SLCO3A1: variants seen among roughly 807,000 people sequenced by gnomAD.
The protein encoded by SLCO3A1 is PGE1 transporter.
A neutral mutation model predicts 63.1 loss-of-function variants in SLCO3A1; 27 were observed. The ratio of observed to expected loss-of-function variants is 0.43; its 90% CI spans 0.32 to 0.59. SLCO3A1 has a LOEUF of 0.59. SLCO3A1 is among the 20% of genes least tolerant of loss of function. The probability of loss-of-function intolerance (pLI) is 0.09; values close to 1 mark genes in which losing one functional copy is unlikely to be tolerated. For synonymous variants in SLCO3A1, 473 were observed against 409.9 expected, an observed-to-expected ratio of 1.15 and a Z score of -1.86; for missense variants, 773 against 945.8, an observed-to-expected ratio of 0.82 and a Z score of 2.40.
At chr15:92,042,498 A>G (rs1226647551) in intron 2 of SLCO3A1, among the ~76,000 whole-genome samples, 2 of 152,144 alleles carry the variant, frequency 1.3e-5, no homozygotes, top group Non-Finnish European at 2.9e-5. Flanking sequence ...AACACTTAAG[A>G]GCATTGTGAC....
Position 91,904,008 on chromosome 15 carries a change from T to C in SLCO3A1, c.181-11985T>C, listed in dbSNP as rs1898227756. 3.8e-5 allele frequency among the ~76,000 whole-genome samples: 5 copies of C among 131,656 alleles called. No individual in the cohort carries two copies. In the Admixed American group the frequency reaches 3.9e-4, roughly 10 times the overall value. 86.4% of individuals were successfully genotyped at this position (131,656 alleles called of 152,430 possible). ...AGGACACAGTGATGGAGAAAGGTCT[T>C]CAGGAGATGGGAAGGAGTGGGTCGG... On this transcript the variant is annotated intron_variant, in intron 1 of 9. Coordinates refer to ENST00000318445, the MANE Select transcript of SLCO3A1 (RefSeq NM_013272.4).
chr15:92,048,098 G>T (rs1253268947), intron 2 of SLCO3A1, among the ~76,000 whole-genome samples: 2 of 152,008 alleles, frequency 1.3e-5, no homozygotes, highest in African/African-American at 4.8e-5. Flanking sequence ...TTCTCCATAG[G>T]AACTGCTTCT....
At chr15:92,085,636 A>G (rs2047395871) in intron 2 of SLCO3A1, among the ~76,000 whole-genome samples, 2 of 152,244 alleles carry the variant, frequency 1.3e-5, no homozygotes, top group Non-Finnish European at 2.9e-5. Flanking sequence ...GTGTATTAAA[A>G]ATATTAAAAT....
At chr15:91,956,237 T>C (rs923901062) in intron 2 of SLCO3A1, among the ~76,000 whole-genome samples, 3 of 152,192 alleles carry the variant, frequency 2.0e-5, no homozygotes, top group African/African-American at 7.2e-5. Context: ...TGGTGGCTTC[T>C]CAGCAGCAGG....
chr15:92,147,361 G>A (rs1296156365), intron 8 of SLCO3A1, among the ~76,000 whole-genome samples: 1 of 152,068 alleles, frequency 6.6e-6, no homozygotes, highest in Non-Finnish European at 1.5e-5. Context: ...GGCAGGGCAT[G>A]GGGGAGAAGA....
intron 3 of SLCO3A1, among the ~76,000 whole-genome samples, chr15:92,096,210 G>A (rs534270578): frequency 6.6e-6 from 1 of 152,278 alleles, no homozygotes; most frequent in South Asian, 2.1e-4. Flanking sequence ...GGGCCCACAG[G>A]AGGGGACTAC....
At position 92,094,979 on chromosome 15, in the gene SLCO3A1, A is replaced by G. The variant is rs746970118; in HGVS notation, c.745A>G (p.Ser249Gly). 1 of 1,582,766 alleles carries G rather than the reference A, an allele frequency of 6.3e-7. No homozygotes were observed. Among genetic ancestry groups the G allele is most frequent in the Non-Finnish European group, 8.7e-7 (1 of 1,151,374 alleles). ...IYVDAVFIDT[S>G]NLDITPDDPR... ...CGTGGATGCGGTCTTCATTGACACAAGTAAGGAATATATCTCCATGTCTAC... is the reference window on the plus strand; with the variant it reads ...CGTGGATGCGGTCTTCATTGACACAGGTAAGGAATATATCTCCATGTCTAC... Residue 249 changes from serine (S) to glycine (G), a missense_variant and splice_region_variant, in exon 3 of 10, where the codon AGT becomes GGT. By Grantham distance (56) the Ser-to-Gly change is moderately conservative. This residue lies in a region of SLCO3A1 where 565 missense variants were observed against 749.8 expected (regional missense o/e 0.75). Transcript: ENST00000318445.
chr15:92,009,288 A>G (rs2046344991), intron 2 of SLCO3A1, among the ~76,000 whole-genome samples: 1 of 152,230 alleles, frequency 6.6e-6, no homozygotes, highest in South Asian at 2.1e-4. Flanking sequence ...TGCTGGGGTC[A>G]TAGTCCAGGG....
intron 2 of SLCO3A1, among the ~76,000 whole-genome samples, chr15:91,960,523 G>A (rs961728110): frequency 6.6e-6 from 1 of 152,194 alleles, no homozygotes; most frequent in Non-Finnish European, 1.5e-5. Flanking sequence ...CCTTCTCTCT[G>A]TGGTGTCCCA....
chr15:91,926,596 T>TGTGTGTGTGTGTGCGTGCGC, intron 2 of SLCO3A1, among the ~76,000 whole-genome samples: 1 of 105,256 alleles, frequency 9.5e-6, no homozygotes, highest in African/African-American at 3.7e-5. Context: ...TGTGTGTGTG[T>TGTGTGTGTGTGTGCGTGCGC]GCGCGCGCGC....
intron 2 of SLCO3A1, among the ~76,000 whole-genome samples, chr15:92,093,446 T>TC (rs2047501328): frequency 6.6e-6 from 1 of 152,184 alleles, no homozygotes; most frequent in Non-Finnish European, 1.5e-5. Context: ...GCCCCCATGA[T>TC]CTAATACCTC....
In SLCO3A1 at chr15:92,164,869, A is replaced by C; in HGVS notation, c.*1734A>C. On this transcript the variant is annotated 3_prime_UTR_variant, in exon 10 of 10. Transcript: ENST00000318445. ...AGAGCTTAGGTAAAGGCACACACTC[A>C]TACACACACAACAAAGGGCCCTGCT... is the stretch of plus-strand genomic sequence containing the variant. The C allele has an allele frequency of 2.0e-6, 2 of 985,400 alleles. No individual in the cohort carries two copies. Among genetic ancestry groups the C allele is most frequent in the Non-Finnish European group, 2.4e-6 (2 of 829,926 alleles). The allele number at this position is 985,400 out of a possible 1,614,324, so 61.0% of individuals were successfully genotyped here.
intron 1 of SLCO3A1, among the ~76,000 whole-genome samples, chr15:91,861,037 C>A (rs1276328455): frequency 6.6e-6 from 1 of 152,188 alleles, no homozygotes; most frequent in Non-Finnish European, 1.5e-5. Context: ...TCACACCTGT[C>A]CTTGCGAAGG....
Position 92,154,431 on chromosome 15 carries a change from T to A in SLCO3A1, c.1753+3417T>A, listed in dbSNP as rs571746889. On this transcript the variant is annotated intron_variant, in intron 9 of 9. Coordinates refer to ENST00000318445, the MANE Select transcript of SLCO3A1 (RefSeq NM_013272.4). ...CTGTACCACAGGTGCTGTTGCACAC[T>A]TGAAATGTGGCTTCTGTAGCCTACT... 1.3e-3 allele frequency among the ~76,000 whole-genome samples: 199 copies of A among 152,354 alleles called. 1 individual carries two copies. Among genetic ancestry groups the A allele is most frequent in the African/African-American group, 4.5e-3 (189 of 41,584 alleles).
intron 2 of SLCO3A1, among the ~76,000 whole-genome samples, chr15:92,088,360 A>C (rs528326133): frequency 5.9e-5 from 9 of 152,220 alleles, no homozygotes; most frequent in African/African-American, 1.2e-4. Context: ...GACACACACA[A>C]AAAAATGTTT....
intron 9 of SLCO3A1, among the ~76,000 whole-genome samples, chr15:92,154,929 T>C (rs895260324): frequency 6.6e-6 from 1 of 152,164 alleles, no homozygotes; most frequent in South Asian, 2.1e-4. Flanking sequence ...AAAGCCTCAT[T>C]GTCTGACTTC....
At chr15:92,117,290 T>C (rs888182751) in intron 4 of SLCO3A1, among the ~76,000 whole-genome samples, 3 of 152,226 alleles carry the variant, frequency 2.0e-5, no homozygotes, top group Non-Finnish European at 2.9e-5. Flanking sequence ...AAGTTGCTAA[T>C]CAGCAAATGC....
chr15:92,167,908 C>T (rs1410804762), downstream of SLCO3A1, among the ~76,000 whole-genome samples: 1 of 152,208 alleles, frequency 6.6e-6, no homozygotes, highest in Non-Finnish European at 1.5e-5. Flanking sequence ...ACTCACACTT[C>T]TCAGAGACTA....
chr15:92,025,925 T>C (rs2046568596), intron 2 of SLCO3A1, among the ~76,000 whole-genome samples: 2 of 152,370 alleles, frequency 1.3e-5, no homozygotes, highest in South Asian at 4.1e-4. Flanking sequence ...TATGAACTGC[T>C]AATTACCTTG....
Sources: allele counts gnomAD v4.1 joint callset (sites outside exome capture counted in the v4.1 genomes callset), GRCh38; gene constraint gnomAD v4.1.1; regional missense constraint gnomAD v4.1.1; transcripts MANE v1.5; gene names NCBI Gene and HGNC (gene_info 2026-07-23, HGNC 2026-07-21).